The following IFT140 variants were observed in gnomAD, a reference collection of about 807,000 sequenced individuals.
The protein encoded by IFT140 is intraflagellar transport 140.
IFT140 carries 133 observed loss-of-function variants against 164.6 expected under a neutral mutation model. The observed-to-expected ratio is 0.81, with a 90% CI of 0.70 to 0.93. The LOEUF is 0.93. Among genes scored for constraint, IFT140 ranks in the 40% least tolerant of loss-of-function variants. IFT140 has a pLI of 0.00. For synonymous variants in IFT140, 860 were observed against 817.3 expected, an observed-to-expected ratio of 1.05 and a Z score of -0.89; for missense variants, 2,045 against 1,972.3, an observed-to-expected ratio of 1.04 and a Z score of -0.70.
chr16:1,537,707 ATC>A (rs1455351271), intron 19 of IFT140, among the ~76,000 whole-genome samples: 1 of 152,180 alleles, frequency 6.6e-6, no homozygotes, highest in East Asian at 1.9e-4. Context: ...TATTTACGTC[ATC>A]TCTCTGTATT....
Position 1,564,158 on chromosome 16 carries a change from G to A in IFT140, c.1906C>T (p.His636Tyr). 6.4e-7 allele frequency: 1 copy of A among 1,569,718 alleles called. No individual in the cohort carries two copies. The highest frequency in any genetic ancestry group is 8.7e-7 in the Non-Finnish European group (1 of 1,148,864). The change falls in exon 17 of 31, where the codon CAC becomes TAC. Residue 636 changes from histidine (H) to tyrosine (Y), a missense_variant. Transcript: ENST00000426508. The surrounding 1 kb of genome is among the most constrained non-coding windows in gnomAD (Gnocchi z 5.5). ...SFNEQETNKS[H>Y]LFVDEGLKNY... ...TTCAGTCCCTCATCCACAAAGAGGT[G>A]GCTCCTAAAAGACAAAGGAAGACCC... is the stretch of plus-strand genomic sequence containing the variant.
At chr16:1,600,516 C>T (rs1421457247) in intron 4 of IFT140, among the ~76,000 whole-genome samples, 1 of 150,848 alleles carries the variant, frequency 6.6e-6, no homozygotes, top group Non-Finnish European at 1.5e-5. Flanking sequence ...TAAGGTTACT[C>T]ACTGCACCAT....
Position 1,553,266 on chromosome 16 carries a change from T to G in IFT140, c.2399+4669A>C. Reference sequence around the variant, plus strand: ...TGTCTCTGTCTCTCTGTATCTCTCTTGGTCTCTGTCTCTCTGTGTCTCTGC... The same window carrying G: ...TGTCTCTGTCTCTCTGTATCTCTCTGGGTCTCTGTCTCTCTGTGTCTCTGC... On this transcript the variant is annotated intron_variant, in intron 19 of 30. Coordinates refer to ENST00000426508, the MANE Select transcript of IFT140 (RefSeq NM_014714.4). The surrounding 1 kb of genome is among the most constrained non-coding windows in gnomAD (Gnocchi z 4.4). 1 of 977,594 alleles carries G rather than the reference T, an allele frequency of 1.0e-6. No individual in the cohort carries two copies. Among genetic ancestry groups the G allele is most frequent in the Non-Finnish European group, 1.2e-6 (1 of 822,934 alleles). The allele number at this position is 977,594 out of a possible 1,614,324, so 60.6% of individuals were successfully genotyped here.
chr16:1,542,450 C>T (rs1161056526), intron 19 of IFT140, among the ~76,000 whole-genome samples: 3 of 152,218 alleles, frequency 2.0e-5, no homozygotes, highest in African/African-American at 4.8e-5. Flanking sequence ...AATGCTGAGG[C>T]AGCTGGTGGG....
rs139385840 is a variant in IFT140, at chr16:1,580,774, T to C, written c.1509A>G (p.Gln503=). The change falls in exon 13 of 31, where the codon CAA becomes CAG. Residue 503 remains glutamine (Q), a synonymous_variant. Coordinates refer to ENST00000426508, the MANE Select transcript of IFT140 (RefSeq NM_014714.4). The part of the protein sequence containing the change: ...NVYTVESNRV[Q]VRTWQGTVKQ... ...AGCAACTTACCTGCCAGGTTCGAAC[T>C]TGAACTCGGTTTGACTCCACCGTGT... 61 of 1,613,644 alleles carry C rather than the reference T, an allele frequency of 3.8e-5. No homozygotes were observed. Among genetic ancestry groups the C allele is most frequent in the Admixed American group, 1.0e-4 (6 of 60,020 alleles).
intron 7 of IFT140, 46 bp from the exon 8 acceptor site, chr16:1,588,070 G>A (rs374875431): frequency 3.4e-5 from 52 of 1,526,882 alleles, no homozygotes; most frequent in African/African-American, 2.2e-4. Flanking sequence ...TTGCTGAGAC[G>A]GCCTGTCCCG....
At position 1,525,999 on chromosome 16, in the gene IFT140, G is replaced by T; in HGVS notation, c.2656C>A (p.Gln886Lys). The T allele has an allele frequency of 6.3e-7, 1 of 1,599,880 alleles. No individual in the cohort carries two copies. Among genetic ancestry groups the T allele is most frequent in the Non-Finnish European group, 8.5e-7 (1 of 1,173,800 alleles). The change falls in exon 21 of 31, where the codon CAG becomes AAG. Residue 886 changes from glutamine to lysine, a missense_variant. Coordinates refer to ENST00000426508, the MANE Select transcript of IFT140 (RefSeq NM_014714.4). ...TGCTCGGCTACCTGGAGGGCCTCCTGCCACCGGCCCGCAGCCTGGTAGAAC... is the reference window on the plus strand; with the variant it reads ...TGCTCGGCTACCTGGAGGGCCTCCTTCCACCGGCCCGCAGCCTGGTAGAAC... ...NKFYQAAGRW[Q>K]EALQVAEHHD...
At chr16:1,602,143 T>C (rs1024842140) in intron 4 of IFT140, 8 of 568,246 alleles carry the variant, frequency 1.4e-5, no homozygotes, top group East Asian at 3.0e-5. Context: ...TCTTTACGAA[T>C]GCAGTTTCCC....
intron 4 of IFT140, among the ~76,000 whole-genome samples, chr16:1,601,471 A>T (rs2035792760): frequency 6.6e-6 from 1 of 152,206 alleles, no homozygotes; most frequent in African/African-American, 2.4e-5. Flanking sequence ...CCTAGGCCTC[A>T]GGAGAGTGGC....
At chr16:1,535,094 C>G (rs1370787607) in intron 19 of IFT140, among the ~76,000 whole-genome samples, 1 of 151,816 alleles carries the variant, frequency 6.6e-6, no homozygotes, top group Non-Finnish European at 1.5e-5. Context: ...GTAAAATAAA[C>G]AAGAAGTTTA....
At chr16:1,534,991 G>C (rs2030920173) in intron 19 of IFT140, among the ~76,000 whole-genome samples, 1 of 152,084 alleles carries the variant, frequency 6.6e-6, no homozygotes, top group Admixed American at 6.5e-5. Context: ...GACTGCTTGA[G>C]GCCAAGAGTT....
At chr16:1,527,656 C>T (rs951581518) in intron 19 of IFT140, among the ~76,000 whole-genome samples, 8 of 152,314 alleles carry the variant, frequency 5.3e-5, no homozygotes, top group Middle Eastern at 3.4e-3. Context: ...ATTCCAGCCT[C>T]GACCTCCTGA....
At chr16:1,604,180 A>G (rs1314909567) in intron 3 of IFT140, among the ~76,000 whole-genome samples, 1 of 152,164 alleles carries the variant, frequency 6.6e-6, no homozygotes, top group Non-Finnish European at 1.5e-5. Context: ...ACTGAGCCCT[A>G]AGTCTGGCAC....
intron 18 of IFT140, among the ~76,000 whole-genome samples, chr16:1,560,540 GC>G (rs2033347576): frequency 6.6e-6 from 1 of 152,214 alleles, no homozygotes; most frequent in Non-Finnish European, 1.5e-5. Context: ...GAAGGTGAAT[GC>G]CAGCTCAGGG....
At chr16:1,571,065 T>G (rs960739486) in intron 14 of IFT140, among the ~76,000 whole-genome samples, 1 of 152,170 alleles carries the variant, frequency 6.6e-6, no homozygotes, top group African/African-American at 2.4e-5. Context: ...CCTGAATGAT[T>G]TTTTAAACAT....
At chr16:1,527,291 G>A (rs2040736143) in intron 19 of IFT140, among the ~76,000 whole-genome samples, 1 of 152,184 alleles carries the variant, frequency 6.6e-6, no homozygotes, top group Admixed American at 6.5e-5. Context: ...CCCAGACCCT[G>A]ACCCAGCCCT....
intron 19 of IFT140, among the ~76,000 whole-genome samples, chr16:1,527,689 A>G (rs2040751368): frequency 6.6e-6 from 1 of 152,166 alleles, no homozygotes; most frequent in African/African-American, 2.4e-5. Context: ...CTCCCACCTC[A>G]GCCTCCCAAA....
At chr16:1,547,505 T>C (rs1003414833) in intron 19 of IFT140, among the ~76,000 whole-genome samples, 1 of 152,224 alleles carries the variant, frequency 6.6e-6, no homozygotes, top group Non-Finnish European at 1.5e-5. Flanking sequence ...CACTTTTTTG[T>C]TATTTACAAT....
intron 19 of IFT140, chr16:1,542,143 G>T (rs773528024): frequency 1.4e-5 from 20 of 1,455,066 alleles, no homozygotes; most frequent in Admixed American, 2.5e-5. Context: ...CCACAGGAGG[G>T]TCCTGAGGCC....
Sources: allele counts gnomAD v4.1 joint callset (sites outside exome capture counted in the v4.1 genomes callset), GRCh38; gene constraint gnomAD v4.1.1; non-coding constraint Gnocchi (gnomAD v3.1); transcripts MANE v1.5; gene names NCBI Gene and HGNC (gene_info 2026-07-23, HGNC 2026-07-21).